The following NAALADL2 variants were observed in gnomAD, a reference collection of about 807,000 sequenced individuals.
The protein encoded by NAALADL2 is N-acetylated alpha-linked acidic dipeptidase like 2, also known as inactive N-acetylated-alpha-linked acidic dipeptidase-like protein 2.
Under a neutral mutation model 87.2 loss-of-function variants are expected in NAALADL2, and 76 were observed. The observed-to-expected ratio is 0.87, with a 90% CI of 0.72 to 1.05. The LOEUF is 1.05. Ranked by LOEUF, NAALADL2 falls within the 50% of genes least tolerant of loss-of-function variation. The pLI is 0.00. For missense variants in NAALADL2, 1,089 were observed against 945.8 expected (o/e 1.15, Z -1.99); for synonymous variants, 354 against 331.0 (o/e 1.07, Z -0.75).
intron 2 of NAALADL2, among the ~76,000 whole-genome samples, chr3:174,667,003 G>A (rs1331761399): frequency 6.6e-6 from 1 of 152,136 alleles, no homozygotes; most frequent in Non-Finnish European, 1.5e-5. Flanking sequence ...TGTAGCATAT[G>A]ACAAGATGGC....
intron 13 of NAALADL2, among the ~76,000 whole-genome samples, chr3:175,777,573 C>T (rs995191492): frequency 3.3e-5 from 5 of 152,050 alleles, no homozygotes; most frequent in Admixed American, 2.0e-4. Context: ...ACGAGAAACT[C>T]GTGTTCTTCA....
chr3:174,959,924 A>C (rs1185586270), intron 1 of NAALADL2, among the ~76,000 whole-genome samples: 1 of 152,048 alleles, frequency 6.6e-6, no homozygotes, highest in Admixed American at 6.6e-5. Flanking sequence ...CTTATATGAA[A>C]GTATCGAATT....
chr3:175,524,822 G>C (rs562453435), intron 9 of NAALADL2, among the ~76,000 whole-genome samples: 1 of 152,230 alleles, frequency 6.6e-6, no homozygotes, highest in East Asian at 1.9e-4. Context: ...TAGCAAACAT[G>C]TTAGCAAGTA....
chr3:175,544,981 G>A (rs546736288), intron 9 of NAALADL2, among the ~76,000 whole-genome samples: 12 of 152,070 alleles, frequency 7.9e-5, no homozygotes, highest in African/African-American at 2.2e-4. Flanking sequence ...AGATTCTTTC[G>A]ATGGATGGTC....
At chr3:175,382,151 G>C (rs1478648645) in intron 5 of NAALADL2, among the ~76,000 whole-genome samples, 3 of 152,112 alleles carry the variant, frequency 2.0e-5, no homozygotes, top group African/African-American at 4.8e-5. Context: ...AAAGCATACT[G>C]TTTGGATAAG....
chr3:174,842,996 G>T (rs578152116), intron 3 of NAALADL2, among the ~76,000 whole-genome samples: 2 of 151,892 alleles, frequency 1.3e-5, no homozygotes, highest in Non-Finnish European at 2.9e-5. Flanking sequence ...TTGGTAAATT[G>T]TAATTGTATA....
chr3:174,706,392 A>G (rs933413075), intron 2 of NAALADL2, among the ~76,000 whole-genome samples: 1 of 152,212 alleles, frequency 6.6e-6, no homozygotes, highest in Non-Finnish European at 1.5e-5. Context: ...TGATTTTGGG[A>G]TCTACAGTGG....
intron 5 of NAALADL2, among the ~76,000 whole-genome samples, chr3:175,395,242 C>G (rs1448325396): frequency 6.6e-6 from 1 of 152,122 alleles, no homozygotes; most frequent in Non-Finnish European, 1.5e-5. Flanking sequence ...TTACACTACT[C>G]ATTACACCAC....
At chr3:174,500,547 C>T (rs1340182954) in intron 1 of NAALADL2, among the ~76,000 whole-genome samples, 1 of 152,068 alleles carries the variant, frequency 6.6e-6, no homozygotes, top group Non-Finnish European at 1.5e-5. Flanking sequence ...GGGAGGAAAA[C>T]ATTTACTCTT....
intron 2 of NAALADL2, among the ~76,000 whole-genome samples, chr3:174,659,071 G>T (rs1202080945): frequency 2.6e-5 from 4 of 152,090 alleles, no homozygotes; most frequent in Non-Finnish European, 4.4e-5. Flanking sequence ...TAAGGGTAGT[G>T]ATTAATACTA....
chr3:175,680,156 T>G (rs1338766780), intron 11 of NAALADL2, among the ~76,000 whole-genome samples: 1 of 152,230 alleles, frequency 6.6e-6, no homozygotes, highest in African/African-American at 2.4e-5. Context: ...ATATCCCATT[T>G]CTGGAAAGCC....
At position 175,741,083 on chromosome 3, in the gene NAALADL2, G is replaced by A. The variant is rs182046574; in HGVS notation, c.1990+3684G>A. Among the ~76,000 whole-genome samples, 101 of 152,154 alleles carry A rather than the reference G, an allele frequency of 6.6e-4. 1 individual carries two copies. The highest frequency in any genetic ancestry group is 9.2e-4 in the Admixed American group (14 of 15,298). ...AATTAGGGGAAGCACAAGGATTGAGGACTTCACATTAGTTAGGAACTGTCA... is the reference window on the plus strand; with the variant it reads ...AATTAGGGGAAGCACAAGGATTGAGAACTTCACATTAGTTAGGAACTGTCA... On this transcript the variant is annotated intron_variant, in intron 12 of 13. Coordinates refer to ENST00000454872, the MANE Select transcript of NAALADL2 (RefSeq NM_207015.3).
chr3:175,386,786 A>G (rs1307242519), intron 5 of NAALADL2, among the ~76,000 whole-genome samples: 1 of 152,032 alleles, frequency 6.6e-6, no homozygotes, highest in Non-Finnish European at 1.5e-5. Context: ...GTCTTATGCT[A>G]CTTGTATGTT....
rs73176705 is a variant in NAALADL2, at chr3:174,954,289, T to C, written c.43+94839T>C. Among the ~76,000 whole-genome samples the C allele has an allele frequency of 6.4e-3, 970 of 152,268 alleles. 6 individuals carry two copies. Among genetic ancestry groups the C allele is most frequent in the Non-Finnish European group, 9.8e-3 (665 of 68,012 alleles). On this transcript the variant is annotated intron_variant, in intron 1 of 13. Coordinates refer to ENST00000454872, the MANE Select transcript of NAALADL2 (RefSeq NM_207015.3). Reference sequence around the variant, plus strand: ...TACATTTAAACCATCTGAGAAATGTTATGCAGATGTAACTTGAATGCAACT... The same window carrying C: ...TACATTTAAACCATCTGAGAAATGTCATGCAGATGTAACTTGAATGCAACT...
chr3:175,182,703 T>A (rs542177758), intron 2 of NAALADL2, among the ~76,000 whole-genome samples: 1 of 151,382 alleles, frequency 6.6e-6, no homozygotes. Flanking sequence ...GCCAAAAGGG[T>A]TTTTTGTGTT....
intron 2 of NAALADL2, among the ~76,000 whole-genome samples, chr3:175,169,395 T>C (rs1734453778): frequency 1.3e-5 from 2 of 151,332 alleles, no homozygotes; most frequent in African/African-American, 2.4e-5. Context: ...CTAGCTTCTA[T>C]GAATCTCAGT....
intron 1 of NAALADL2, among the ~76,000 whole-genome samples, chr3:175,008,429 A>G (rs1244559298): frequency 6.6e-6 from 1 of 152,108 alleles, no homozygotes; most frequent in Non-Finnish European, 1.5e-5. Flanking sequence ...TTTTCCATTT[A>G]ATATTTCTGG....
chr3:175,645,637 C>T (rs1240767480), intron 11 of NAALADL2, among the ~76,000 whole-genome samples: 1 of 151,962 alleles, frequency 6.6e-6, no homozygotes, highest in Non-Finnish European at 1.5e-5. Context: ...AGGCAAGAGA[C>T]AGCACAGCCT....
chr3:175,285,147 T>G (rs1293139441), intron 4 of NAALADL2, among the ~76,000 whole-genome samples: 2 of 152,146 alleles, frequency 1.3e-5, no homozygotes, highest in Non-Finnish European at 2.9e-5. Context: ...TAAGAAAAAG[T>G]GCATTAGCAC....
Sources: allele counts gnomAD v4.1 joint callset (sites outside exome capture counted in the v4.1 genomes callset), GRCh38; gene constraint gnomAD v4.1.1; transcripts MANE v1.5; gene names NCBI Gene and HGNC (gene_info 2026-07-23, HGNC 2026-07-21).